FAM120A: variants seen among roughly 807,000 people sequenced by gnomAD.
FAM120A encodes the protein family with sequence similarity 120 member A, also known as constitutive coactivator of PPAR-gamma-like protein 1.
In FAM120A, 15 loss-of-function variants were observed where a neutral mutation model predicts 109.7. The ratio of observed to expected loss-of-function variants is 0.14; its 90% CI spans 0.09 to 0.21. FAM120A has a LOEUF of 0.21. FAM120A is among the 10% of genes least tolerant of loss of function. The pLI is 1.00. For synonymous variants in FAM120A, 493 were observed against 572.8 expected (o/e 0.86, Z 1.99); for missense variants, 899 against 1,439.3 (o/e 0.62, Z 6.07).
intron 3 of FAM120A, among the ~76,000 whole-genome samples, chr9:93,487,483 A>G (rs1040951502): frequency 6.6e-6 from 1 of 152,228 alleles, no homozygotes; most frequent in Non-Finnish European, 1.5e-5. Context: ...GATTTTTAAT[A>G]TAGTCCAGAT....
chr9:93,506,599 CT>C (rs900855502), intron 5 of FAM120A, among the ~76,000 whole-genome samples: 14 of 143,554 alleles, frequency 9.8e-5, no homozygotes, highest in South Asian at 2.2e-4. Context: ...TTTTTTTCTT[CT>C]TTTTTTTTTG....
At chr9:93,514,166 G>A (rs1564337538) in intron 5 of FAM120A, among the ~76,000 whole-genome samples, 2 of 152,178 alleles carry the variant, frequency 1.3e-5, no homozygotes, top group African/African-American at 2.4e-5. Flanking sequence ...AAGAAGTGTC[G>A]AGTGAAGGGG....
chr9:93,479,443 A>C (rs945806938), intron 3 of FAM120A, among the ~76,000 whole-genome samples: 1 of 152,208 alleles, frequency 6.6e-6, no homozygotes, highest in Non-Finnish European at 1.5e-5. Flanking sequence ...AACAATAATA[A>C]ATTTGGCTTT....
At chr9:93,533,454 G>A (rs1588890144) in intron 10 of FAM120A, among the ~76,000 whole-genome samples, 1 of 152,330 alleles carries the variant, frequency 6.6e-6, no homozygotes, top group East Asian at 1.9e-4. Flanking sequence ...TGCTCGCTCT[G>A]CAGGGCTGTG....
intron 5 of FAM120A, among the ~76,000 whole-genome samples, chr9:93,511,139 T>G (rs960463335): frequency 6.6e-6 from 1 of 152,032 alleles, no homozygotes; most frequent in South Asian, 2.1e-4. Flanking sequence ...TTCCCGCTGT[T>G]CCGAATTCTT....
chr9:93,491,942 T>C (rs1190022956), intron 3 of FAM120A, among the ~76,000 whole-genome samples: 2 of 152,190 alleles, frequency 1.3e-5, no homozygotes, highest in Non-Finnish European at 2.9e-5. Context: ...CTTGTTTAGT[T>C]TGAGTGTTAA....
At chr9:93,540,369 A>G (rs1363130712) in intron 10 of FAM120A, among the ~76,000 whole-genome samples, 4 of 152,226 alleles carry the variant, frequency 2.6e-5, no homozygotes, top group African/African-American at 7.2e-5. Flanking sequence ...TGATAAAGAC[A>G]TGTATTTCCT....
chr9:93,489,653 T>C (rs1859227462), intron 3 of FAM120A, among the ~76,000 whole-genome samples: 1 of 152,256 alleles, frequency 6.6e-6, no homozygotes, highest in Non-Finnish European at 1.5e-5. Context: ...GCATTATTTG[T>C]GATTAATTGC....
intron 2 of FAM120A, among the ~76,000 whole-genome samples, chr9:93,471,799 A>G (rs1245680453): frequency 6.6e-6 from 1 of 152,194 alleles, no homozygotes; most frequent in African/African-American, 2.4e-5. Context: ...CATTTTCGGG[A>G]TACTCACTAC....
chr9:93,548,252 C>T (rs972838087), intron 11 of FAM120A, among the ~76,000 whole-genome samples: 11 of 152,032 alleles, frequency 7.2e-5, no homozygotes, highest in Non-Finnish European at 4.4e-5. Flanking sequence ...TACAGGTGCC[C>T]GCCACCACGC....
intron 3 of FAM120A, among the ~76,000 whole-genome samples, chr9:93,479,334 G>A (rs546773242): frequency 6.6e-6 from 1 of 151,934 alleles, no homozygotes; most frequent in Admixed American, 6.6e-5. Context: ...TCCTGACCTC[G>A]TGATCCGCCC....
intron 3 of FAM120A, among the ~76,000 whole-genome samples, chr9:93,484,030 GT>G (rs1295723450): frequency 2.0e-5 from 3 of 151,378 alleles, no homozygotes; most frequent in African/African-American, 7.3e-5. Flanking sequence ...TAGTTTTTCT[GT>G]GTCTCTCTTT....
At chr9:93,494,965 G>A (rs577938076) in intron 3 of FAM120A, among the ~76,000 whole-genome samples, 2 of 152,166 alleles carry the variant, frequency 1.3e-5, no homozygotes, top group African/African-American at 2.4e-5. Flanking sequence ...CCCACTGTGC[G>A]TCATGAACGT....
intron 11 of FAM120A, among the ~76,000 whole-genome samples, chr9:93,543,796 A>G (rs1234713613): frequency 1.3e-5 from 2 of 152,136 alleles, no homozygotes; most frequent in Non-Finnish European, 2.9e-5. Flanking sequence ...CTTGTTATAT[A>G]TTATTTGGAG....
intron 5 of FAM120A, among the ~76,000 whole-genome samples, chr9:93,514,168 G>A (rs1161014442): frequency 2.0e-5 from 3 of 152,222 alleles, no homozygotes; most frequent in Non-Finnish European, 4.4e-5. Context: ...GAAGTGTCGA[G>A]TGAAGGGGGA....
rs761701846 is a variant in FAM120A, at chr9:93,564,296, C to T, written c.3113C>T (p.Ser1038Leu). 9.9e-6 allele frequency: 16 copies of T among 1,614,048 alleles called. No individual in the cohort carries two copies. The highest frequency in any genetic ancestry group is 2.2e-5 in the South Asian group (2 of 91,090). ...GAACTTAAGTCAAAATCTGGGGAAT[C>T]GAAGTCCTCTGCTATGTCTTCAGAC... is the stretch of plus-strand genomic sequence containing the variant. ...AKELKSKSGESKSSAMSSDGS... is the reference protein window; with the variant it reads ...AKELKSKSGELKSSAMSSDGS... Residue 1038 changes from serine to leucine, a missense_variant, in exon 18 of 18, where the codon TCG (serine) becomes TTG (leucine). By Grantham distance (145) the Ser-to-Leu change is moderately radical. Transcript: ENST00000277165.
chr9:93,560,324 A>T (rs1354666544), intron 15 of FAM120A, among the ~76,000 whole-genome samples: 1 of 152,212 alleles, frequency 6.6e-6, no homozygotes, highest in Non-Finnish European at 1.5e-5. Context: ...TACATGTTGA[A>T]ATAGTATTAT....
chr9:93,533,676 A>G (rs1322522229), intron 10 of FAM120A, among the ~76,000 whole-genome samples: 1 of 151,892 alleles, frequency 6.6e-6, no homozygotes, highest in African/African-American at 2.4e-5. Flanking sequence ...TCTACCCTTC[A>G]CTTCTGCAGG....
At position 93,451,865 on chromosome 9, in the gene FAM120A, C is replaced by T. The variant is rs1389818823; in HGVS notation, c.-51C>T. 4 of 1,067,140 alleles carry T rather than the reference C, an allele frequency of 3.7e-6. No individual in the cohort carries two copies. The highest frequency in any genetic ancestry group is 4.5e-6 in the Non-Finnish European group (4 of 882,206). 66.1% of individuals were successfully genotyped at this position (1,067,140 alleles called of 1,614,324 possible). On this transcript the variant is annotated 5_prime_UTR_variant, in exon 1 of 18. Coordinates refer to ENST00000277165, the MANE Select transcript of FAM120A (RefSeq NM_014612.5). ...CCCGCGCGCCACGGCCCCACCACCC[C>T]CGGCCCCGCCGCCCCCCGCCCGCAC...
Sources: gnomAD v4.1 joint callset for allele counts (sites outside exome capture counted in the v4.1 genomes callset) on GRCh38, gnomAD v4.1.1 for gene constraint, MANE v1.5 for transcripts, NCBI Gene and HGNC (gene_info 2026-07-23, HGNC 2026-07-21) for gene names.